Variants in NPAS3 observed in about 807,000 individuals in gnomAD.
NPAS3 encodes neuronal PAS domain protein 3, also known as neuronal PAS domain-containing protein 3.
A neutral mutation model predicts 73.1 loss-of-function variants in NPAS3; 14 were observed. The ratio of observed to expected loss-of-function variants is 0.19; its 90% CI spans 0.13 to 0.30. NPAS3 has a LOEUF of 0.30. Ranked by LOEUF, NPAS3 falls within the 10% of genes least tolerant of loss-of-function variation. The pLI, the probability that NPAS3 is intolerant of heterozygous loss-of-function variation, is 1.00. For missense variants in NPAS3, 1,096 were observed against 1,250.0 expected (o/e 0.88, Z 1.86); for synonymous variants, 620 against 541.5 (o/e 1.14, Z -2.01).
upstream of NPAS3, among the ~76,000 whole-genome samples, chr14:32,938,526 G>GAGAGAGAGAGAGAGAGAGAGAGAA (rs2035800805): frequency 9.4e-4 from 24 of 25,420 alleles, no homozygotes; most frequent in African/African-American, 2.2e-3. Flanking sequence ...AGAGAGAGAA[G>GAGAGAGAGAGAGAGAGAGAGAGAA]GGGGGGGAGG....
intron 5 of NPAS3, among the ~76,000 whole-genome samples, chr14:33,569,399 G>A (rs1368767956): frequency 1.3e-5 from 2 of 152,160 alleles, no homozygotes; most frequent in East Asian, 3.9e-4. Flanking sequence ...ACAGATACCT[G>A]TGGGCCATGT....
intron 3 of NPAS3, among the ~76,000 whole-genome samples, chr14:33,216,958 T>C (rs934582399): frequency 1.4e-4 from 22 of 152,032 alleles, no homozygotes; most frequent in African/African-American, 5.3e-4. Context: ...CCAATTCATG[T>C]TCTAGATTGT....
At chr14:33,293,113 A>G (rs1173273089) in intron 3 of NPAS3, among the ~76,000 whole-genome samples, 1 of 152,078 alleles carries the variant, frequency 6.6e-6, no homozygotes, top group Admixed American at 6.5e-5. Context: ...GGCCACCTGT[A>G]CTACACTATG....
chr14:33,377,395 A>G (rs1269427192), intron 4 of NPAS3, among the ~76,000 whole-genome samples: 1 of 152,230 alleles, frequency 6.6e-6, no homozygotes, highest in African/African-American at 2.4e-5. Flanking sequence ...TCAGAAATCC[A>G]GAAGAGCTAG....
At chr14:33,283,623 C>CCT (rs779384387) in intron 3 of NPAS3, among the ~76,000 whole-genome samples, 23 of 152,160 alleles carry the variant, frequency 1.5e-4, no homozygotes, top group Non-Finnish European at 2.9e-4. Context: ...TGACTCTTCA[C>CCT]AAACTATTGG....
chr14:33,204,515 A>G (rs994639700), intron 2 of NPAS3, among the ~76,000 whole-genome samples: 2 of 152,140 alleles, frequency 1.3e-5, no homozygotes, highest in African/African-American at 2.4e-5. Context: ...CAGGAAGCAC[A>G]GTCTGTGCAA....
At chr14:33,781,141 G>C (rs771861681) in intron 9 of NPAS3, among the ~76,000 whole-genome samples, 1 of 152,182 alleles carries the variant, frequency 6.6e-6, no homozygotes, top group Non-Finnish European at 1.5e-5. Context: ...GGAGGAAAAA[G>C]AGTGTTTTGA....
intron 2 of NPAS3, among the ~76,000 whole-genome samples, chr14:33,056,585 C>T (rs887135863): frequency 6.6e-6 from 1 of 152,198 alleles, no homozygotes; most frequent in Non-Finnish European, 1.5e-5. Context: ...CATTACTTAA[C>T]AGAATCTGCA....
chr14:33,566,288 A>C (rs1156420463), intron 5 of NPAS3, among the ~76,000 whole-genome samples: 1 of 151,468 alleles, frequency 6.6e-6, no homozygotes, highest in Non-Finnish European at 1.5e-5. Flanking sequence ...TGCTTGACAG[A>C]GATAATCTCA....
chr14:33,801,024 C>G, exon 12 of NPAS3: 1 of 1,590,586 alleles, frequency 6.3e-7, no homozygotes, highest in Non-Finnish European at 8.6e-7. Flanking sequence ...TTCACCACGG[C>G]CGAGGGACTC....
chr14:33,772,081 T>G (rs1260924679), intron 7 of NPAS3, among the ~76,000 whole-genome samples: 2 of 152,186 alleles, frequency 1.3e-5, no homozygotes, highest in Admixed American at 6.5e-5. Flanking sequence ...TTTAAAATAG[T>G]CAGTCACTAA....
intron 3 of NPAS3, among the ~76,000 whole-genome samples, chr14:33,253,941 G>A (rs2048681216): frequency 6.6e-6 from 1 of 152,074 alleles, no homozygotes; most frequent in African/African-American, 2.4e-5. Context: ...CTCCTCCCAT[G>A]TTGGCTAGCT....
intron 2 of NPAS3, among the ~76,000 whole-genome samples, chr14:33,161,666 A>C (rs2139314323): frequency 6.6e-6 from 1 of 152,356 alleles, no homozygotes; most frequent in Non-Finnish European, 1.5e-5. Flanking sequence ...TAAGAGGATA[A>C]TGAGAGAGAT....
chr14:33,734,802 A>G (rs2061483384), intron 6 of NPAS3, among the ~76,000 whole-genome samples: 1 of 152,166 alleles, frequency 6.6e-6, no homozygotes, highest in South Asian at 2.1e-4. Flanking sequence ...CGGGGAGAAC[A>G]AAGAGCAAGC....
chr14:33,003,672 G>C (rs1211553925), intron 1 of NPAS3, among the ~76,000 whole-genome samples: 1 of 152,190 alleles, frequency 6.6e-6, no homozygotes, highest in Non-Finnish European at 1.5e-5. Context: ...TTTCACAGTG[G>C]AAGCTTTGCA....
At chr14:32,945,988 G>C (rs914103240) in intron 1 of NPAS3, among the ~76,000 whole-genome samples, 3 of 152,114 alleles carry the variant, frequency 2.0e-5, no homozygotes, top group African/African-American at 7.2e-5. Flanking sequence ...TGTGCCACAA[G>C]TTTCTCTAAA....
intron 4 of NPAS3, among the ~76,000 whole-genome samples, chr14:33,457,301 A>G (rs986918889): frequency 4.6e-5 from 7 of 152,242 alleles, no homozygotes; most frequent in South Asian, 4.1e-4. Context: ...CTTCTGTGCC[A>G]TTGGGCAGTT....
intron 7 of NPAS3, among the ~76,000 whole-genome samples, chr14:33,756,524 A>T (rs1037431310): frequency 3.3e-5 from 5 of 152,332 alleles, no homozygotes; most frequent in Non-Finnish European, 7.4e-5. Flanking sequence ...GAGAGCACTG[A>T]GCTTGGAGGA....
chr14:32,998,175 A>T (rs1595184912), intron 1 of NPAS3, among the ~76,000 whole-genome samples: 1 of 152,250 alleles, frequency 6.6e-6, no homozygotes, highest in East Asian at 1.9e-4. Flanking sequence ...TTATAAATGT[A>T]CACTGGAATA....
Sources: gnomAD v4.1 joint callset for allele counts (sites outside exome capture counted in the v4.1 genomes callset) on GRCh38, gnomAD v4.1.1 for gene constraint, MANE v1.5 for transcripts, NCBI Gene and HGNC (gene_info 2026-07-23, HGNC 2026-07-21) for gene names.